KL: variants seen among roughly 807,000 people sequenced by gnomAD.
The protein encoded by KL is klotho.
Under a neutral mutation model 84.2 loss-of-function variants are expected in KL, and 62 were observed. The ratio of observed to expected loss-of-function variants is 0.74; its 90% confidence interval spans 0.60 to 0.91. KL has a LOEUF of 0.91. Among genes scored for constraint, KL ranks in the 40% least tolerant of loss-of-function variants. The pLI, the probability that KL is intolerant of heterozygous loss-of-function variation, is 0.00. For synonymous variants in KL, 528 were observed against 528.0 expected (o/e 1.00, Z 0.00); for missense variants, 1,261 against 1,305.7 (o/e 0.97, Z 0.53).
In KL at chr13:33,064,067, A is replaced by AG; in HGVS notation, c.2921dup (p.Ser974ArgfsTer86). On this transcript the variant is annotated frameshift_variant, in exon 5 of 5. Transcript: ENST00000380099. LOFTEE classifies it high-confidence loss of function. The stretch of plus-strand genomic sequence containing the variant: ...AGAATTCACCGTGTGTACTGAGTGC[A>AG]GTTTTTTTCACACCCGAAAGTCTTT... 1 of 1,614,130 alleles carries AG rather than the reference A, an allele frequency of 6.2e-7. No homozygotes were observed. The highest frequency in any genetic ancestry group is 8.5e-7 in the Non-Finnish European group (1 of 1,179,996).
chr13:33,028,241 G>T (rs1870848658), intron 1 of KL, among the ~76,000 whole-genome samples: 1 of 152,228 alleles, frequency 6.6e-6, no homozygotes, highest in Non-Finnish European at 1.5e-5. Flanking sequence ...AGTCAACTGT[G>T]CTCCTTATAG....
chr13:33,060,171 C>G (rs1872119497), intron 3 of KL, among the ~76,000 whole-genome samples: 1 of 152,062 alleles, frequency 6.6e-6, no homozygotes, highest in South Asian at 2.1e-4. Context: ...TCTCCAACTC[C>G]TGGCCTCAAG....
intron 1 of KL, among the ~76,000 whole-genome samples, chr13:33,039,765 A>G (rs779664801): frequency 6.6e-6 from 1 of 152,238 alleles, no homozygotes; most frequent in Non-Finnish European, 1.5e-5. Flanking sequence ...CTTCAGGGCT[A>G]GTAGGTTGGC....
intron 1 of KL, among the ~76,000 whole-genome samples, chr13:33,043,801 G>A (rs990754432): frequency 1.3e-5 from 2 of 152,066 alleles, no homozygotes; most frequent in East Asian, 1.9e-4. Context: ...TAAATTGGAC[G>A]ACGTCAAAAT....
chr13:33,042,122 C>T (rs767206882), intron 1 of KL, among the ~76,000 whole-genome samples: 5 of 151,996 alleles, frequency 3.3e-5, no homozygotes, highest in African/African-American at 7.2e-5. Flanking sequence ...ATTTATGTTT[C>T]GGAGAAAATC....
chr13:33,027,508 A>C (rs189372338), intron 1 of KL, among the ~76,000 whole-genome samples: 49 of 152,186 alleles, frequency 3.2e-4, no homozygotes, highest in Non-Finnish European at 5.6e-4. Context: ...CTACTCTTCC[A>C]CTGTAGGAGA....
At chr13:33,045,618 T>C (rs1203714110) in intron 1 of KL, among the ~76,000 whole-genome samples, 1 of 151,992 alleles carries the variant, frequency 6.6e-6, no homozygotes, top group African/African-American at 2.4e-5. Context: ...GTAGCTGGGA[T>C]TACAGGTGCC....
Position 33,055,266 on chromosome 13 carries a change from G to C in KL, c.1550G>C (p.Gly517Ala), listed in dbSNP as rs1871915084. Reference sequence around the variant, plus strand: ...TTACCTGAAAATCAGCCCCTAGAAGGGACATTTCCCTGTGACTTTGCTTGG... The same window carrying C: ...TTACCTGAAAATCAGCCCCTAGAAGCGACATTTCCCTGTGACTTTGCTTGG... ...PPLPENQPLE[G>A]TFPCDFAWGV... The change falls in exon 3 of 5, where the codon GGG (glycine) becomes GCG (alanine). Residue 517 changes from glycine to alanine, a missense_variant. Gly to Ala is a moderately conservative substitution (Grantham distance 60). Transcript: ENST00000380099. 1 of 1,614,020 alleles carries C rather than the reference G, an allele frequency of 6.2e-7. No individual in the cohort carries two copies. The highest frequency in any genetic ancestry group is 1.3e-5 in the African/African-American group (1 of 74,910).
At chr13:33,022,932 A>G (rs1265991619) in intron 1 of KL, among the ~76,000 whole-genome samples, 1 of 152,218 alleles carries the variant, frequency 6.6e-6, no homozygotes, top group Non-Finnish European at 1.5e-5. Context: ...AATATCTGGG[A>G]AGGAGTTTTA....
At chr13:33,037,353 C>G (rs914703599) in intron 1 of KL, among the ~76,000 whole-genome samples, 8 of 152,096 alleles carry the variant, frequency 5.3e-5, no homozygotes, top group Non-Finnish European at 1.0e-4. Flanking sequence ...GATTTTTGAA[C>G]CTGTAGATCC....
intron 1 of KL, among the ~76,000 whole-genome samples, chr13:33,032,656 C>A (rs1313629831): frequency 6.6e-6 from 1 of 152,068 alleles, no homozygotes; most frequent in Non-Finnish European, 1.5e-5. Flanking sequence ...CAGTCACATG[C>A]CCACAGATTC....
rs1423945374 is a variant in KL at position 33,053,988 on chromosome 13, T to C, written c.1041T>C (p.Ser347=). 1 of 1,613,848 alleles carries C rather than the reference T, an allele frequency of 6.2e-7. No individual in the cohort carries two copies. The highest frequency in any genetic ancestry group is 8.5e-7 in the Non-Finnish European group (1 of 1,179,902). The change falls in exon 2 of 5, where the codon TCT becomes TCC. Residue 347 remains serine (S), a synonymous_variant. Coordinates refer to ENST00000380099, the MANE Select transcript of KL (RefSeq NM_004795.4). ...YPESMKNNLS[S]ILPDFTESEK... ...AGAGCATGAAGAATAACCTTTCATC[T>C]ATTCTGCCTGATTTTACTGAATCTG... is the stretch of plus-strand genomic sequence containing the variant.
intron 1 of KL, among the ~76,000 whole-genome samples, chr13:33,050,651 C>T (rs1484558571): frequency 1.3e-5 from 2 of 152,100 alleles, no homozygotes; most frequent in African/African-American, 4.8e-5. Context: ...GGGGTTGCAG[C>T]GATTTCTTAG....
Position 33,055,085 on chromosome 13 carries a change from G to A in KL, c.1369G>A (p.Ala457Thr), listed in dbSNP as rs143526946. The change falls in exon 3 of 5, where the codon GCA (alanine) becomes ACA (threonine). Residue 457 changes from alanine to threonine, a missense_variant. Transcript: ENST00000380099. ...LDGVDVIGYT[A>T]WSLMDGFEWH... ...TGGGGTGGATGTCATCGGGTATACC[G>A]CATGGTCCCTCATGGATGGTTTCGA... 8.1e-6 allele frequency: 13 copies of A among 1,614,068 alleles called. No individual in the cohort carries two copies. The highest frequency in any genetic ancestry group is 5.3e-5 in the African/African-American group (4 of 74,912).
intron 1 of KL, among the ~76,000 whole-genome samples, chr13:33,046,300 A>G (rs1269755318): frequency 6.6e-6 from 1 of 152,144 alleles, no homozygotes; most frequent in Admixed American, 6.5e-5. Flanking sequence ...GTTTTTGATT[A>G]CTAATTCAAT....
chr13:33,059,460 A>G (rs1040314307), intron 3 of KL, among the ~76,000 whole-genome samples: 13 of 151,432 alleles, frequency 8.6e-5, no homozygotes, highest in Non-Finnish European at 1.3e-4. Context: ...CCCTCCTTAG[A>G]CTTTCTTTTC....
Position 33,017,262 on chromosome 13 carries a change from G to A in KL, c.819+3G>A. ...TGGTGGCGCACAACCTCCTCCTGGT[G>A]AGTGCGAGGGGCCAGGCGGAGGGCC... On this transcript the variant is annotated splice_donor_region_variant and intron_variant, in intron 1 of 4. Coordinates refer to ENST00000380099, the MANE Select transcript of KL (RefSeq NM_004795.4). 6.4e-7 allele frequency: 1 copy of A among 1,561,864 alleles called. No individual in the cohort carries two copies. Among genetic ancestry groups the A allele is most frequent in the South Asian group, 1.1e-5 (1 of 87,316 alleles).
upstream of KL, chr13:33,016,404 C>G: frequency 1.6e-6 from 1 of 624,012 alleles, no homozygotes; most frequent in East Asian, 1.6e-4. Context: ...CATAAAGGGG[C>G]GCGGCGCGGG....
At chr13:33,032,202 A>G (rs570681141) in intron 1 of KL, among the ~76,000 whole-genome samples, 1 of 152,388 alleles carries the variant, frequency 6.6e-6, no homozygotes, top group Non-Finnish European at 1.5e-5. Flanking sequence ...CTTAATTGAC[A>G]TCTGAGAGTG....
Sources: gnomAD v4.1 joint callset for allele counts (sites outside exome capture counted in the v4.1 genomes callset) on GRCh38, gnomAD v4.1.1 for gene constraint, MANE v1.5 for transcripts, NCBI Gene and HGNC (gene_info 2026-07-23, HGNC 2026-07-21) for gene names.